LIMD1: variants seen among roughly 807,000 people sequenced by gnomAD.
LIMD1 encodes LIM domain containing 1, also known as LIM domain-containing protein 1.
LIMD1 carries 23 observed loss-of-function variants against 58.4 expected under a neutral mutation model. That is an observed-to-expected ratio of 0.39 (90% CI 0.28 to 0.56). LIMD1 has a LOEUF of 0.56. LIMD1 is among the 20% of genes least tolerant of loss of function. The pLI, the probability that LIMD1 is intolerant of heterozygous loss-of-function variation, is 0.57. For synonymous variants in LIMD1, 334 were observed against 345.5 expected (o/e 0.97, Z 0.37); for missense variants, 838 against 855.5 (o/e 0.98, Z 0.25).
intron 1 of LIMD1, among the ~76,000 whole-genome samples, chr3:45,616,497 T>A (rs1231496236): frequency 2.0e-5 from 3 of 152,110 alleles, no homozygotes; most frequent in African/African-American, 7.2e-5. Context: ...CCCTTCTTCC[T>A]CACCCACAGA....
At chr3:45,618,809 G>C (rs1409212349) in intron 1 of LIMD1, among the ~76,000 whole-genome samples, 1 of 152,166 alleles carries the variant, frequency 6.6e-6, no homozygotes, top group Non-Finnish European at 1.5e-5. Flanking sequence ...CAGTTCCACT[G>C]CAGGAGGGAG....
chr3:45,643,679 TA>T lies in LIMD1; in HGVS notation c.1510+7429del, dbSNP rs1260630759. ...GACGGAAAATGATGGACTAGGTAAA[TA>T]TACTCTCCCCGCCAGAAGCCCATGG... On this transcript the variant is annotated intron_variant, in intron 2 of 7. Transcript: ENST00000273317. Among the ~76,000 whole-genome samples the T allele has an allele frequency of 2.0e-5, 3 of 152,132 alleles. No homozygotes were observed. In the East Asian group the frequency reaches 5.8e-4, roughly 29 times the overall value.
chr3:45,677,398 T>C lies in LIMD1; in HGVS notation c.*339T>C. ...ACATTTCATGCTTCAGAGGGAGAGG[T>C]TTTTATTGAGCTTGTTTCACAATAT... On this transcript the variant is annotated 3_prime_UTR_variant, in exon 8 of 8. Coordinates refer to ENST00000273317, the MANE Select transcript of LIMD1 (RefSeq NM_014240.3). 1 of 214,108 alleles carries C rather than the reference T, an allele frequency of 4.7e-6. No individual in the cohort carries two copies. Among genetic ancestry groups the C allele is most frequent in the Non-Finnish European group, 9.4e-6 (1 of 105,884 alleles). The allele number at this position is 214,108 out of a possible 1,614,324, so 13.3% of individuals were successfully genotyped here. A position where few individuals can be genotyped will look rare whatever the true frequency, so the allele number is the denominator to read the frequency against.
At chr3:45,628,407 CACA>C (rs1701687496) in intron 1 of LIMD1, among the ~76,000 whole-genome samples, 1 of 152,178 alleles carries the variant, frequency 6.6e-6, no homozygotes, top group African/African-American at 2.4e-5. Context: ...GATGCTCACA[CACA>C]ACATCAGTTA....
At chr3:45,637,741 C>T (rs1701803108) in intron 2 of LIMD1, among the ~76,000 whole-genome samples, 1 of 135,522 alleles carries the variant, frequency 7.4e-6, no homozygotes, top group African/African-American at 2.5e-5. Context: ...ATAAAGTTAA[C>T]CAGTGCATTG....
chr3:45,678,469 C>A lies in LIMD1; in HGVS notation c.*1410C>A, dbSNP rs1357873841. 6.6e-6 allele frequency: 1 copy of A among 152,522 alleles called. No individual in the cohort carries two copies. The highest frequency in any genetic ancestry group is 1.5e-5 in the Non-Finnish European group (1 of 68,118). 9.4% of individuals were successfully genotyped at this position (152,522 alleles called of 1,614,324 possible). On this transcript the variant is annotated 3_prime_UTR_variant, in exon 8 of 8. Coordinates refer to ENST00000273317, the MANE Select transcript of LIMD1 (RefSeq NM_014240.3). ...GCAGGAGCTGAGGGAGGGCCACACACTGGCAAGATTTCAAGACCACTCTCT... is the reference window on the plus strand; with the variant it reads ...GCAGGAGCTGAGGGAGGGCCACACAATGGCAAGATTTCAAGACCACTCTCT...
chr3:45,656,193 A>T (rs1434403089), intron 2 of LIMD1, among the ~76,000 whole-genome samples: 3 of 151,982 alleles, frequency 2.0e-5, no homozygotes, highest in Non-Finnish European at 2.9e-5. Context: ...TGGACTTCCA[A>T]CCTCCAGAGC....
At chr3:45,672,660 A>T in intron 4 of LIMD1, 30 bp from the exon 5 acceptor site, 1 of 1,611,172 alleles carries the variant, frequency 6.2e-7, no homozygotes, top group Non-Finnish European at 8.5e-7. Flanking sequence ...CTTCCCTATA[A>T]TCCCCACTGA....
At chr3:45,616,729 AC>A (rs1163977717) in intron 1 of LIMD1, among the ~76,000 whole-genome samples, 1 of 151,272 alleles carries the variant, frequency 6.6e-6, no homozygotes, top group Admixed American at 6.6e-5. Flanking sequence ...CAGATAGCTC[AC>A]TTACATTAGA....
intron 1 of LIMD1, among the ~76,000 whole-genome samples, chr3:45,602,285 C>T (rs1434686514): frequency 1.3e-5 from 2 of 152,070 alleles, no homozygotes; most frequent in Admixed American, 6.5e-5. Context: ...ACCTGAAGCC[C>T]CTGTGCTCAC....
Position 45,594,801 on chromosome 3 carries a change from A to ACACACACAC in LIMD1, c.-78_-70dup. Reference sequence around the variant, plus strand: ...TCAACACACACACACACACACACACACACACACACACACACACACACACAC... The same window carrying ACACACACAC: ...TCAACACACACACACACACACACACACACACACACCACACACACACACACACACACACAC... On this transcript the variant is annotated 5_prime_UTR_variant, in exon 1 of 8. Transcript: ENST00000273317. 1 of 172,310 alleles carries ACACACACAC rather than the reference A, an allele frequency of 5.8e-6. No individual in the cohort carries two copies. Among genetic ancestry groups the ACACACACAC allele is most frequent in the South Asian group, 9.3e-5 (1 of 10,728 alleles). The allele number at this position is 172,310 out of a possible 1,614,324, so 10.7% of individuals were successfully genotyped here. A position where few individuals can be genotyped will look rare whatever the true frequency, so the allele number is the denominator to read the frequency against.
chr3:45,636,153 C>A lies in LIMD1; in HGVS notation c.1412C>A (p.Ala471Asp), dbSNP rs772713944. The stretch of plus-strand genomic sequence containing the variant: ...GATGTTTCTCTTGTCCTGCAAGGAG[C>A]CTGTGTGAAATGCAGCAAAGGGGTG... ...DAHPKADYFG[A>D]CVKCSKGVFG... Residue 471 changes from alanine (A) to aspartate (D), a missense_variant, in exon 2 of 8, where the codon GCC becomes GAC. Ala to Asp is a moderately radical substitution (Grantham distance 126). Transcript: ENST00000273317. 8 of 1,612,156 alleles carry A rather than the reference C, an allele frequency of 5.0e-6. No individual in the cohort carries two copies. The highest frequency in any genetic ancestry group is 6.8e-6 in the Non-Finnish European group (8 of 1,178,904).
At chr3:45,609,892 A>G (rs1373923129) in intron 1 of LIMD1, among the ~76,000 whole-genome samples, 3 of 152,124 alleles carry the variant, frequency 2.0e-5, no homozygotes, top group African/African-American at 7.2e-5. Context: ...GCAGGTACCC[A>G]GTGGAAACTT....
At chr3:45,601,666 T>C (rs781598328) in intron 1 of LIMD1, among the ~76,000 whole-genome samples, 15 of 152,214 alleles carry the variant, frequency 9.9e-5, no homozygotes, top group Non-Finnish European at 1.2e-4. Flanking sequence ...TTAGTTTTGA[T>C]GTAGGCACCA....
At chr3:45,647,594 C>T (rs1701919971) in intron 2 of LIMD1, among the ~76,000 whole-genome samples, 1 of 152,170 alleles carries the variant, frequency 6.6e-6, no homozygotes, top group Admixed American at 6.5e-5. Flanking sequence ...CAGCAGGGTC[C>T]CATATGCCCT....
At position 45,686,142 on chromosome 3, in the gene LIMD1, GTT is replaced by G. The variant is rs913060189; in HGVS notation, c.*9085_*9086del. The G allele has an allele frequency of 6.6e-5, 10 of 152,084 alleles. No homozygotes were observed. Among genetic ancestry groups the G allele is most frequent in the South Asian group, 2.1e-4 (1 of 4,828 alleles). 9.4% of individuals were successfully genotyped at this position (152,084 alleles called of 1,614,324 possible). ...TCTTAAAGCCCCTGCACCTGGAACTGTTTACTTTCCTGTAACCATTTATCCTT... is the reference window on the plus strand; with the variant it reads ...TCTTAAAGCCCCTGCACCTGGAACTGTACTTTCCTGTAACCATTTATCCTT... On this transcript the variant is annotated 3_prime_UTR_variant, in exon 8 of 8. Coordinates refer to ENST00000273317, the MANE Select transcript of LIMD1 (RefSeq NM_014240.3).
At chr3:45,621,615 ATTTAC>A (rs1559516892) in intron 1 of LIMD1, among the ~76,000 whole-genome samples, 3 of 152,100 alleles carry the variant, frequency 2.0e-5, no homozygotes, top group Non-Finnish European at 4.4e-5. Flanking sequence ...GTTGTGTAGT[ATTTAC>A]TTAACTTTAC....
At chr3:45,645,312 G>C (rs1176668954) in intron 2 of LIMD1, among the ~76,000 whole-genome samples, 1 of 152,198 alleles carries the variant, frequency 6.6e-6, no homozygotes, top group East Asian at 1.9e-4. Context: ...CAGAGGCCAG[G>C]AAGTCCCTGA....
chr3:45,617,040 T>TC (rs1226252311), intron 1 of LIMD1, among the ~76,000 whole-genome samples: 2 of 147,218 alleles, frequency 1.4e-5, no homozygotes, highest in South Asian at 2.2e-4. Context: ...GCCTATTTTT[T>TC]TTTTTTTTTT....
Sources: gnomAD v4.1 joint callset for allele counts (sites outside exome capture counted in the v4.1 genomes callset) on GRCh38, gnomAD v4.1.1 for gene constraint, MANE v1.5 for transcripts, NCBI Gene and HGNC (gene_info 2026-07-23, HGNC 2026-07-21) for gene names.